The following CNTNAP5 variants were observed in gnomAD, a reference collection of about 807,000 sequenced individuals.
The protein encoded by CNTNAP5 is contactin associated protein family member 5.
In CNTNAP5, 72 loss-of-function variants were observed where a neutral mutation model predicts 150.2. The observed-to-expected ratio is 0.48, with a 90% CI of 0.40 to 0.58. The LOEUF (loss-of-function observed/expected upper bound fraction) is 0.58. CNTNAP5 is among the 20% of genes least tolerant of loss of function. The pLI, the probability that CNTNAP5 is intolerant of heterozygous loss-of-function variation, is 0.00. For synonymous variants in CNTNAP5, 672 were observed against 619.8 expected (o/e 1.08, Z -1.25); for missense variants, 1,636 against 1,626.2 (o/e 1.01, Z -0.10).
intron 13 of CNTNAP5, among the ~76,000 whole-genome samples, chr2:124,663,321 A>G (rs1160145555): frequency 6.6e-6 from 1 of 152,216 alleles, no homozygotes; most frequent in Non-Finnish European, 1.5e-5. Context: ...CTAGTAAACT[A>G]GTATTATATA....
At chr2:124,656,843 G>A (rs1207190805) in intron 13 of CNTNAP5, among the ~76,000 whole-genome samples, 1 of 152,144 alleles carries the variant, frequency 6.6e-6, no homozygotes, top group Non-Finnish European at 1.5e-5. Flanking sequence ...AGAATACAAT[G>A]TTCTAATATT....
intron 12 of CNTNAP5, among the ~76,000 whole-genome samples, chr2:124,622,315 G>C (rs1474861342): frequency 6.6e-6 from 1 of 152,008 alleles, no homozygotes; most frequent in Admixed American, 6.6e-5. Context: ...TCTTTTTATT[G>C]CTGCATAGTA....
At chr2:124,078,507 C>A (rs1462689233) in intron 1 of CNTNAP5, among the ~76,000 whole-genome samples, 1 of 152,142 alleles carries the variant, frequency 6.6e-6, no homozygotes, top group Non-Finnish European at 1.5e-5. Context: ...ATGATATTAG[C>A]TCTTAATTTC....
chr2:124,160,214 G>A (rs558830967), intron 1 of CNTNAP5, among the ~76,000 whole-genome samples: 3 of 152,298 alleles, frequency 2.0e-5, no homozygotes, highest in Admixed American at 1.3e-4. Flanking sequence ...TCAGTCAGAT[G>A]TCAAGTCTGA....
At chr2:124,367,563 C>G (rs1018669999) in intron 3 of CNTNAP5, among the ~76,000 whole-genome samples, 6 of 152,132 alleles carry the variant, frequency 3.9e-5, no homozygotes, top group African/African-American at 1.2e-4. Flanking sequence ...GGGGACACAG[C>G]CAAACCATAT....
chr2:124,028,557 G>C (rs548142726), intron 1 of CNTNAP5, among the ~76,000 whole-genome samples: 86 of 152,146 alleles, frequency 5.7e-4, no homozygotes, highest in African/African-American at 1.9e-3. Context: ...CAGATTTTCA[G>C]GATATTAAAT....
chr2:124,837,206 A>AT (rs1422541506), intron 19 of CNTNAP5, among the ~76,000 whole-genome samples: 1 of 151,978 alleles, frequency 6.6e-6, no homozygotes, highest in Non-Finnish European at 1.5e-5. Context: ...TTAAATGCAG[A>AT]TTTTAGAAAG....
At chr2:124,204,909 C>T (rs139690843) in intron 1 of CNTNAP5, among the ~76,000 whole-genome samples, 3 of 152,202 alleles carry the variant, frequency 2.0e-5, no homozygotes, top group African/African-American at 7.2e-5. Context: ...GGTCTATAGC[C>T]CCATTTTCTA....
rs1397130385 is a variant in CNTNAP5 at position 124,361,372 on chromosome 2, G to A, written c.382-56071G>A. Among the ~76,000 whole-genome samples the A allele has an allele frequency of 1.6e-4, 23 of 144,622 alleles. 5 individuals carry two copies. Among genetic ancestry groups the A allele is most frequent in the African/African-American group, 5.7e-4 (22 of 38,910 alleles). 94.9% of individuals were successfully genotyped at this position (144,622 alleles called of 152,430 possible). A position where few individuals can be genotyped will look rare whatever the true frequency, so the allele number is the denominator to read the frequency against. ...GGTGAGGAACTGCATTCCTTTGGAG[G>A]AGGAGAGGAGCTCTGCATTTTAGAG... On this transcript the variant is annotated intron_variant, in intron 3 of 23. Transcript: ENST00000682447.
At chr2:124,242,106 T>C (rs945405322) in intron 2 of CNTNAP5, 94 bp from the exon 3 acceptor site, 75 of 1,021,480 alleles carry the variant, frequency 7.3e-5, no homozygotes, top group Non-Finnish European at 1.0e-4. Flanking sequence ...GTCATCTTAG[T>C]TGAACACTGT....
intron 1 of CNTNAP5, among the ~76,000 whole-genome samples, chr2:124,133,971 G>C (rs1683920208): frequency 6.6e-6 from 1 of 152,186 alleles, no homozygotes; most frequent in Non-Finnish European, 1.5e-5. Context: ...AGCAGCTGTG[G>C]TCTGATGGAA....
At chr2:124,577,261 A>C (rs900459501) in intron 11 of CNTNAP5, among the ~76,000 whole-genome samples, 67 of 152,192 alleles carry the variant, frequency 4.4e-4, no homozygotes, top group African/African-American at 1.6e-3. Context: ...GATTCAGAAC[A>C]TACCTAGGAA....
chr2:124,587,913 T>C (rs763199506), intron 11 of CNTNAP5, among the ~76,000 whole-genome samples: 3 of 152,074 alleles, frequency 2.0e-5, no homozygotes, highest in Non-Finnish European at 4.4e-5. Flanking sequence ...GAAATATATA[T>C]AGAGACTTAG....
intron 1 of CNTNAP5, among the ~76,000 whole-genome samples, chr2:124,094,992 G>A (rs572672944): frequency 2.8e-4 from 42 of 152,196 alleles, no homozygotes; most frequent in Admixed American, 6.5e-4. Context: ...GCTGCACTGC[G>A]TGTGTCTTTA....
chr2:124,120,023 C>T (rs553741788), intron 1 of CNTNAP5, among the ~76,000 whole-genome samples: 1 of 152,208 alleles, frequency 6.6e-6, no homozygotes, highest in African/African-American at 2.4e-5. Flanking sequence ...GTGGAGTGAC[C>T]TGGGCTTTGG....
intron 13 of CNTNAP5, among the ~76,000 whole-genome samples, chr2:124,691,836 C>T (rs1385734627): frequency 1.3e-5 from 2 of 152,100 alleles, no homozygotes; most frequent in Non-Finnish European, 2.9e-5. Context: ...TGTCCACCAG[C>T]AATTCCTTCC....
At position 124,094,168 on chromosome 2, in the gene CNTNAP5, G is replaced by GT. The variant is rs551736924; in HGVS notation, c.82+68442dup. Reference sequence around the variant, plus strand: ...TGGTCTAAACGTGCAAACTCAAATTGTTTTTTCTTTTCAGCAAAGGGCAGA... The same window carrying GT: ...TGGTCTAAACGTGCAAACTCAAATTGTTTTTTTCTTTTCAGCAAAGGGCAGA... On this transcript the variant is annotated intron_variant, in intron 1 of 23. Coordinates refer to ENST00000682447, the MANE Select transcript of CNTNAP5 (RefSeq NM_001367498.1). Among the ~76,000 whole-genome samples, 553 of 152,286 alleles carry GT rather than the reference G, an allele frequency of 3.6e-3. 2 individuals carry two copies. The highest frequency in any genetic ancestry group is 5.9e-3 in the Non-Finnish European group (398 of 68,006).
Position 124,524,429 on chromosome 2 carries a change from C to G in CNTNAP5, c.1454C>G (p.Ser485Cys). The change falls in exon 9 of 24, where the codon TCT (serine) becomes TGT (cysteine). Residue 485 changes from serine to cysteine, a missense_variant. Ser to Cys is a moderately radical substitution (Grantham distance 112, BLOSUM62 -1). Transcript: ENST00000682447. ...GACAGCACTTGGGTGCAGATTTATT[C>G]TGGAAATAGCTACTATTTTGGAGGT... ...APDSTWVQIY[S>C]GNSYYFGGCP... 6.2e-7 allele frequency: 1 copy of G among 1,612,632 alleles called. No individual in the cohort carries two copies. The highest frequency in any genetic ancestry group is 1.1e-5 in the South Asian group (1 of 90,944).
At chr2:124,506,230 A>G (rs1694404565) in intron 8 of CNTNAP5, among the ~76,000 whole-genome samples, 2 of 150,250 alleles carry the variant, frequency 1.3e-5, no homozygotes, top group Admixed American at 6.7e-5. Context: ...TATGTTGTTT[A>G]TCAGAAATTT....
Sources: allele counts gnomAD v4.1 joint callset (sites outside exome capture counted in the v4.1 genomes callset), GRCh38; gene constraint gnomAD v4.1.1; transcripts MANE v1.5; gene names NCBI Gene and HGNC (gene_info 2026-07-23, HGNC 2026-07-21).